Variants in SMIM31 observed in about 807,000 individuals in gnomAD.
SMIM31 encodes the protein human epithelial cell program regulator.
At chr4:164,774,260 T>G (rs1464652868) in intron 2 of SMIM31, among the ~76,000 whole-genome samples, 1 of 151,762 alleles carries the variant, frequency 6.6e-6, no homozygotes, top group African/African-American at 2.4e-5. Flanking sequence ...ACTGGGTCAA[T>G]GTCTTTGTTT....
At chr4:164,793,774 G>C (rs1289111211) in intron 2 of SMIM31, among the ~76,000 whole-genome samples, 2 of 152,070 alleles carry the variant, frequency 1.3e-5, no homozygotes, top group East Asian at 1.9e-4. Context: ...CTAGGGGTTA[G>C]GGCTTCAGCA....
chr4:164,775,193 C>A (rs1732863335), intron 2 of SMIM31, among the ~76,000 whole-genome samples: 2 of 152,152 alleles, frequency 1.3e-5, no homozygotes, highest in Non-Finnish European at 2.9e-5. Context: ...AACTACCTTT[C>A]CCCTTATGAC....
At chr4:164,769,512 G>A (rs111927687) in intron 1 of SMIM31, among the ~76,000 whole-genome samples, 18 of 144,292 alleles carry the variant, frequency 1.2e-4, no homozygotes, top group African/African-American at 4.6e-4. Flanking sequence ...ACCAAACACC[G>A]CATGTTCTCA....
intron 2 of SMIM31, among the ~76,000 whole-genome samples, chr4:164,790,659 A>G (rs1733087949): frequency 6.6e-6 from 1 of 152,176 alleles, no homozygotes; most frequent in Admixed American, 6.5e-5. Context: ...ACTTTACCAA[A>G]CCTTTACAAT....
intron 2 of SMIM31, among the ~76,000 whole-genome samples, chr4:164,773,952 G>A (rs898374774): frequency 2.6e-5 from 4 of 152,186 alleles, no homozygotes; most frequent in South Asian, 2.1e-4. Flanking sequence ...GGATCACAAG[G>A]TCAGGAGATC....
chr4:164,795,558 CAAAAAAAAAAAA>C lies in SMIM31; in HGVS notation c.113-5518_113-5507del, dbSNP rs60083689. ...CTGGTGACAGAGAGATACTCCATCT[CAAAAAAAAAAAA>C]AAAAAAAAAAAAAAGAAGAATCCTA... is the stretch of plus-strand genomic sequence containing the variant. On this transcript the variant is annotated intron_variant, in intron 2 of 2. Transcript: ENST00000507311. 3.9e-4 allele frequency among the ~76,000 whole-genome samples: 30 copies of C among 76,958 alleles called. 1 individual carries two copies. The highest frequency in any genetic ancestry group is 5.6e-4 in the Non-Finnish European group (25 of 45,018). 50.5% of individuals were successfully genotyped at this position (76,958 alleles called of 152,430 possible).
intron 2 of SMIM31, among the ~76,000 whole-genome samples, chr4:164,777,026 C>T (rs113897956): frequency 0.036 from 5,439 of 152,176 alleles, 324 homozygotes; most frequent in African/African-American, 0.12. Flanking sequence ...GGCTGATTTA[C>T]GCAAAAAGAT....
rs906824141 is a variant in SMIM31, at chr4:164,802,398, G to C, written c.*1204G>C. 1.3e-5 allele frequency: 2 copies of C among 152,250 alleles called. No individual in the cohort carries two copies. The highest frequency in any genetic ancestry group is 4.8e-5 in the African/African-American group (2 of 41,426). The allele number at this position is 152,250 out of a possible 1,614,324, so 9.4% of individuals were successfully genotyped here. On this transcript the variant is annotated 3_prime_UTR_variant, in exon 3 of 3. Transcript: ENST00000507311. The stretch of plus-strand genomic sequence containing the variant: ...CTACAAGCATGTGTCATCACAGCCA[G>C]CTAATTTTTGTAATTGTTTGTAGAA...
intron 2 of SMIM31, among the ~76,000 whole-genome samples, chr4:164,788,478 C>CTTTTTCTTTTTTTTTTTT (rs1733056135): frequency 5.2e-5 from 3 of 58,162 alleles, no homozygotes; most frequent in African/African-American, 2.2e-4. Context: ...TCTAATTTTT[C>CTTTTTCTTTTTTTTTTTT]TTTTTTTTTT....
intron 1 of SMIM31, among the ~76,000 whole-genome samples, chr4:164,765,027 A>G (rs190547367): frequency 6.3e-4 from 96 of 152,346 alleles, no homozygotes; most frequent in African/African-American, 2.0e-3. Flanking sequence ...GGAAAATTCA[A>G]TCATTGTATG....
In SMIM31 at chr4:164,801,244, T is replaced by TG; in HGVS notation, c.*53dup. On this transcript the variant is annotated 3_prime_UTR_variant, in exon 3 of 3. Coordinates refer to ENST00000507311, the MANE Select transcript of SMIM31 (RefSeq NM_001352885.1). ...CTAAGAAGACAGAGGAAGCAATCCA[T>TG]GGGAACTACTTATCCACAGTTACAC... 2.5e-6 allele frequency: 1 copy of TG among 398,572 alleles called. No homozygotes were observed. The highest frequency in any genetic ancestry group is 1.3e-4 in the South Asian group (1 of 7,852). 24.7% of individuals were successfully genotyped at this position (398,572 alleles called of 1,614,324 possible).
intron 1 of SMIM31, among the ~76,000 whole-genome samples, chr4:164,767,944 C>T (rs773294490): frequency 6.6e-6 from 1 of 152,114 alleles, no homozygotes; most frequent in Non-Finnish European, 1.5e-5. Flanking sequence ...CTAGAAATAA[C>T]TCATCACAGG....
intron 1 of SMIM31, among the ~76,000 whole-genome samples, chr4:164,755,547 AGGGGAG>A (rs1560821447): frequency 0.4 from 725 of 1,826 alleles, 73 homozygotes; most frequent in East Asian, 0.5. Context: ...AGAGGAGGGG[AGGGGAG>A]GGGAGGGGAG....
intron 2 of SMIM31, among the ~76,000 whole-genome samples, chr4:164,792,878 G>T (rs899998811): frequency 5.3e-5 from 8 of 152,136 alleles, no homozygotes; most frequent in African/African-American, 1.4e-4. Flanking sequence ...ACATTACAAA[G>T]CCACAGTAAT....
At chr4:164,767,997 G>A (rs918155266) in intron 1 of SMIM31, among the ~76,000 whole-genome samples, 2 of 152,080 alleles carry the variant, frequency 1.3e-5, no homozygotes, top group Non-Finnish European at 2.9e-5. Flanking sequence ...CATTTTGGGA[G>A]GCAAGGTGGG....
At position 164,780,970 on chromosome 4, in the gene SMIM31, C is replaced by T. The variant is rs533246313; in HGVS notation, c.112+10415C>T. Among the ~76,000 whole-genome samples, 8 of 152,188 alleles carry T rather than the reference C, an allele frequency of 5.3e-5. No homozygotes were observed. In the South Asian group the frequency reaches 1.2e-3, roughly 24 times the overall value. On this transcript the variant is annotated intron_variant, in intron 2 of 2. Transcript: ENST00000507311. The stretch of plus-strand genomic sequence containing the variant: ...GACTAGAGGCACATGCAACCACACC[C>T]GGCTATTTTTTAATTTTGGTACAGA...
At chr4:164,781,237 A>G (rs1276617454) in intron 2 of SMIM31, among the ~76,000 whole-genome samples, 2 of 152,200 alleles carry the variant, frequency 1.3e-5, no homozygotes, top group African/African-American at 4.8e-5. Context: ...TGGTACAGCC[A>G]GTTTGGAAAG....
chr4:164,759,070 A>G (rs529283638), intron 1 of SMIM31, among the ~76,000 whole-genome samples: 1 of 152,104 alleles, frequency 6.6e-6, no homozygotes, highest in African/African-American at 2.4e-5. Flanking sequence ...CTTACTCATT[A>G]TAGTATCCTT....
intron 2 of SMIM31, among the ~76,000 whole-genome samples, chr4:164,777,834 G>A (rs994296560): frequency 5.9e-5 from 9 of 152,268 alleles, no homozygotes; most frequent in South Asian, 2.1e-4. Flanking sequence ...GGTTAGAATC[G>A]ACTTTATAAT....
Sources: allele counts gnomAD v4.1 joint callset (sites outside exome capture counted in the v4.1 genomes callset), GRCh38; gene constraint gnomAD v4.1.1; transcripts MANE v1.5; gene names NCBI Gene and HGNC (gene_info 2026-07-23, HGNC 2026-07-21).